BRWD1: variants seen among roughly 807,000 people sequenced by gnomAD.
The protein encoded by BRWD1 is bromodomain and WD repeat domain containing 1.
Under a neutral mutation model 251.2 loss-of-function variants are expected in BRWD1, and 82 were observed. That is an observed-to-expected ratio of 0.33 (90% CI 0.27 to 0.39). The LOEUF (loss-of-function observed/expected upper bound fraction) is 0.39, where lower values mean the gene tolerates loss of function less well. Among genes scored for constraint, BRWD1 ranks in the 10% least tolerant of loss-of-function variants. BRWD1 has a pLI of 1.00. For synonymous variants in BRWD1, 918 were observed against 902.8 expected (o/e 1.02, Z -0.30); for missense variants, 2,233 against 2,711.6 (o/e 0.82, Z 3.92).
chr21:39,206,416 C>T, intron 36 of BRWD1, 142 bp from the exon 37 acceptor site: 1 of 601,916 alleles, frequency 1.7e-6, no homozygotes, highest in Non-Finnish European at 2.8e-6. Context: ...CTGTTTCCAA[C>T]CCCCTTCCCT....
rs139701061 is a variant in BRWD1 at position 39,202,459 on chromosome 21, G to A, written c.4451C>T (p.Thr1484Ile). 8 of 1,614,064 alleles carry A rather than the reference G, an allele frequency of 5.0e-6. No individual in the cohort carries two copies. Among genetic ancestry groups the A allele is most frequent in the Non-Finnish European group, 6.8e-6 (8 of 1,179,958 alleles). Residue 1484 changes from threonine to isoleucine, a missense_variant, in exon 38 of 41, where the codon ACA becomes ATA. Around this residue, in one of 12 missense-constraint regions of BRWD1, gnomAD observed 928 missense variants for 970.0 expected, o/e 0.96. Coordinates refer to ENST00000342449, the MANE Select transcript of BRWD1 (RefSeq NM_033656.4). ...TGTCTTGTGGGTTCCAAGATAAGCTGTCCTACTTGAGGTAGACTGGGTAGG... is the reference window on the plus strand; with the variant it reads ...TGTCTTGTGGGTTCCAAGATAAGCTATCCTACTTGAGGTAGACTGGGTAGG... ...GSPTQSTSSR[T>I]AYLGTHKTSA...
intron 31 of BRWD1, 52 bp from the exon 32 acceptor site, chr21:39,215,414 C>G: frequency 1.3e-6 from 2 of 1,521,312 alleles, no homozygotes; most frequent in Non-Finnish European, 1.8e-6. Flanking sequence ...AGATAGAAAC[C>G]AAGTGAAAAA....
rs1362092311 is a variant in BRWD1 at position 39,188,431 on chromosome 21, TTAC to T, written c.*7825_*7827del. The stretch of plus-strand genomic sequence containing the variant: ...TCTGGAGGACTCCACCACATTCTTT[TTAC>T]TACTAAGTACTAGAAAATGAGAGCT... On this transcript the variant is annotated 3_prime_UTR_variant, in exon 41 of 41. Coordinates refer to ENST00000342449, the MANE Select transcript of BRWD1 (RefSeq NM_033656.4). 2 of 985,390 alleles carry T rather than the reference TTAC, an allele frequency of 2.0e-6. No homozygotes were observed. The highest frequency in any genetic ancestry group is 2.4e-6 in the Non-Finnish European group (2 of 829,902). 61.0% of individuals were successfully genotyped at this position (985,390 alleles called of 1,614,324 possible).
rs551048675 is a variant in BRWD1, at chr21:39,304,816, CAAG to C, written c.199-6237_199-6235del. On this transcript the variant is annotated intron_variant, in intron 4 of 40. Coordinates refer to ENST00000342449, the MANE Select transcript of BRWD1 (RefSeq NM_033656.4). ...ATGTAAGGCAAAGCAGATGGGAAGA[CAAG>C]AAGATTATAATGAATAAAGCATTTT... Among the ~76,000 whole-genome samples, 666 of 151,976 alleles carry C rather than the reference CAAG, an allele frequency of 4.4e-3. 8 individuals carry two copies. Among genetic ancestry groups the C allele is most frequent in the Middle Eastern group, 0.01 (3 of 294 alleles).
chr21:39,218,420 A>C (rs962927680), intron 30 of BRWD1, 85 bp downstream of exon 30: 1 of 1,438,226 alleles, frequency 7.0e-7, no homozygotes, highest in African/African-American at 1.4e-5. Context: ...AAAGAACAGA[A>C]ACCTCAATTA....
At chr21:39,312,724 G>A (rs1040141756) in intron 4 of BRWD1, 117 bp downstream of exon 4, 1 of 613,386 alleles carries the variant, frequency 1.6e-6, no homozygotes, top group Non-Finnish European at 2.6e-6. Context: ...TCCCCGGGCC[G>A]CCCCCCAGTG....
Position 39,236,520 on chromosome 21 carries a change from T to G in BRWD1, c.2766+75A>C, listed in dbSNP as rs560686385. On this transcript the variant is annotated intron_variant, in intron 23 of 40. Coordinates refer to ENST00000342449, the MANE Select transcript of BRWD1 (RefSeq NM_033656.4). The stretch of plus-strand genomic sequence containing the variant: ...CACTATGCCAGTATCACGAGAAATG[T>G]TAAAACAACATTTGAAATGGGGTAA... 3.0e-4 allele frequency: 388 copies of G among 1,314,070 alleles called. 4 individuals are homozygous for G. The African/African-American group carries it at 4.5e-3, about 15-fold the overall frequency. The allele number at this position is 1,314,070 out of a possible 1,614,324, so 81.4% of individuals were successfully genotyped here.
Position 39,212,726 on chromosome 21 carries a change from C to A in BRWD1, c.3859-19G>T. 1 of 1,527,714 alleles carries A rather than the reference C, an allele frequency of 6.5e-7. No individual in the cohort carries two copies. Among genetic ancestry groups the A allele is most frequent in the Non-Finnish European group, 9.0e-7 (1 of 1,112,216 alleles). The allele number at this position is 1,527,714 out of a possible 1,614,324, so 94.6% of individuals were successfully genotyped here. ...TATCATCCTAGGAATAAAATCAGAGCACCTTAAGTATTTAGAGTCTCATTA... is the reference window on the plus strand; with the variant it reads ...TATCATCCTAGGAATAAAATCAGAGAACCTTAAGTATTTAGAGTCTCATTA... On this transcript the variant is annotated intron_variant, in intron 33 of 40. Transcript: ENST00000342449.
chr21:39,280,292 T>G, intron 8 of BRWD1, 44 bp from the exon 9 acceptor site: 1 of 1,457,670 alleles, frequency 6.9e-7, no homozygotes, highest in Non-Finnish European at 9.5e-7. Context: ...GAACTTCTAC[T>G]TAAGTTACAG....
intron 8 of BRWD1, among the ~76,000 whole-genome samples, chr21:39,280,914 A>G (rs2146704803): frequency 6.6e-6 from 1 of 152,334 alleles, no homozygotes; most frequent in Admixed American, 6.5e-5. Flanking sequence ...TAACATCTGT[A>G]CTTAATAAAA....
intron 13 of BRWD1, among the ~76,000 whole-genome samples, chr21:39,271,234 G>A (rs542008828): frequency 1.3e-3 from 194 of 152,272 alleles, no homozygotes; most frequent in Non-Finnish European, 2.2e-3. Flanking sequence ...AGAGTCTGCA[G>A]TGAACCAAGA....
Position 39,293,873 on chromosome 21 carries a change from A to G in BRWD1, c.769T>C (p.Leu257=), listed in dbSNP as rs2035882812. 3.1e-6 allele frequency: 5 copies of G among 1,614,170 alleles called. No individual in the cohort carries two copies. Among genetic ancestry groups the G allele is most frequent in the Non-Finnish European group, 4.2e-6 (5 of 1,180,028 alleles). The change falls in exon 8 of 41, where the codon TTG becomes CTG. Residue 257 remains leucine (L), a synonymous_variant. Transcript: ENST00000342449. ...SCDKIIRVWC[L]RTCAPVAVLQ... ...ACAGCAACTGGGGCACAAGTTCTCA[A>G]GCACCACACTCTAATAATTTTATCA... is the stretch of plus-strand genomic sequence containing the variant.
intron 25 of BRWD1, 58 bp from the exon 26 acceptor site, chr21:39,229,494 T>G: frequency 6.8e-7 from 1 of 1,468,528 alleles, no homozygotes; most frequent in Non-Finnish European, 9.4e-7. Context: ...ATACTATAAT[T>G]CTCCACATAC....
At chr21:39,203,053 C>T (rs1203139876) in intron 37 of BRWD1, among the ~76,000 whole-genome samples, 1 of 152,254 alleles carries the variant, frequency 6.6e-6, no homozygotes, top group Non-Finnish European at 1.5e-5. Context: ...TAACTGCACC[C>T]ATTCACCATG....
chr21:39,195,432 T>C lies in BRWD1; in HGVS notation c.*827A>G, dbSNP rs2031761829. On this transcript the variant is annotated 3_prime_UTR_variant, in exon 41 of 41. Coordinates refer to ENST00000342449, the MANE Select transcript of BRWD1 (RefSeq NM_033656.4). ...AGAGTAAGATTATGGAAGAGCAAGA[T>C]TTTGGTTAAATCCCTTACAATGGAA... The C allele has an allele frequency of 1.0e-6, 1 of 985,566 alleles. No individual in the cohort carries two copies. The highest frequency in any genetic ancestry group is 1.2e-6 in the Non-Finnish European group (1 of 829,862). 61.1% of individuals were successfully genotyped at this position (985,566 alleles called of 1,614,324 possible).
intron 1 of BRWD1, among the ~76,000 whole-genome samples, chr21:39,320,192 C>T (rs1261402715): frequency 6.6e-6 from 1 of 152,280 alleles, no homozygotes; most frequent in East Asian, 1.9e-4. Context: ...GTTGGAGTTT[C>T]CATTTTCCCA....
Position 39,313,584 on chromosome 21 carries a change from G to GGCGC in BRWD1, c.-97_-94dup, listed in dbSNP as rs919504771. On this transcript the variant is annotated 5_prime_UTR_variant, in exon 1 of 41. The change abolishes the stop of an existing upstream ORF in the 5' untranslated region. Transcript: ENST00000342449. ...ACCGGGCTGGCGTCCCCTCTTCTCA[G>GGCGC]GCGCGCGCCGCCGCCGCCGCCGCCG... 4 of 1,054,912 alleles carry GGCGC rather than the reference G, an allele frequency of 3.8e-6. No individual in the cohort carries two copies. The highest frequency in any genetic ancestry group is 4.7e-6 in the Non-Finnish European group (4 of 853,770). 65.3% of individuals were successfully genotyped at this position (1,054,912 alleles called of 1,614,324 possible).
At chr21:39,276,423 G>C (rs116744421) in intron 11 of BRWD1, among the ~76,000 whole-genome samples, 2,317 of 152,146 alleles carry the variant, frequency 0.015, 58 homozygotes, top group African/African-American at 0.053. Flanking sequence ...TCATTTCAAA[G>C]AAAGGCACAT....
Position 39,278,754 on chromosome 21 carries a change from G to T in BRWD1, c.992C>A (p.Ser331Tyr), listed in dbSNP as rs2035357465. ...GAAGAAGTTCTTACCAACACTAAAA[G>T]AAGAACAAAGCATTTGAACGCCTGG... is the stretch of plus-strand genomic sequence containing the variant. ...PRPGVQMLCS[S>Y]FSVGGMFLAT... is the part of the protein sequence containing the mutation. Residue 331 changes from serine to tyrosine, a missense_variant, in exon 10 of 41, where the codon TCT (serine) becomes TAT (tyrosine). Transcript: ENST00000342449. 6.3e-7 allele frequency: 1 copy of T among 1,583,624 alleles called. No individual in the cohort carries two copies.
Sources: gnomAD v4.1 joint callset for allele counts (sites outside exome capture counted in the v4.1 genomes callset) on GRCh38, gnomAD v4.1.1 for gene constraint, gnomAD v4.1.1 regional missense constraint, MANE v1.5 for transcripts, NCBI Gene and HGNC (gene_info 2026-07-23, HGNC 2026-07-21) for gene names.